Variants in UBE3A observed in about 807,000 individuals in gnomAD.
UBE3A encodes ubiquitin-protein ligase E3A.
UBE3A carries 6 observed loss-of-function variants against 83.4 expected under a neutral mutation model. That is an observed-to-expected ratio of 0.07 (90% CI 0.04 to 0.14). UBE3A has a LOEUF of 0.14. Ranked by LOEUF, UBE3A falls within the 10% of genes least tolerant of loss-of-function variation. The probability of loss-of-function intolerance (pLI) is 1.00; values close to 1 mark genes in which losing one functional copy is unlikely to be tolerated. For missense variants in UBE3A, 456 were observed against 1,036.1 expected, an observed-to-expected ratio of 0.44 and a Z score of 7.69; for synonymous variants, 337 against 355.4, an observed-to-expected ratio of 0.95 and a Z score of 0.58.
rs1422763225 is a variant in UBE3A, at chr15:25,337,995, TTTCA to T, written c.*1138_*1141del. 6.6e-6 allele frequency: 1 copy of T among 152,074 alleles called. No homozygotes were observed. Among genetic ancestry groups the T allele is most frequent in the Non-Finnish European group, 1.5e-5 (1 of 67,982 alleles). The allele number at this position is 152,074 out of a possible 1,614,324, so 9.4% of individuals were successfully genotyped here. The stretch of plus-strand genomic sequence containing the variant: ...ACAATGTAATTCTTAGGAGTAATAG[TTTCA>T]TTCATTTCCAGGTCAGCTTACTGTA... On this transcript the variant is annotated 3_prime_UTR_variant, in exon 13 of 13. Transcript: ENST00000648336.
Position 25,409,184 on chromosome 15 carries a change from G to T in UBE3A, c.-77C>A. 7.1e-7 allele frequency: 1 copy of T among 1,418,162 alleles called. No homozygotes were observed. Among genetic ancestry groups the T allele is most frequent in the South Asian group, 1.2e-5 (1 of 82,338 alleles). The allele number at this position is 1,418,162 out of a possible 1,614,324, so 87.8% of individuals were successfully genotyped here. ...GTCACACCAGTCTAGCTGCTACCTTGATCTGAGCGTAGGCTTAATAACTCT... is the reference window on the plus strand; with the variant it reads ...GTCACACCAGTCTAGCTGCTACCTTTATCTGAGCGTAGGCTTAATAACTCT... On this transcript the variant is annotated 5_prime_UTR_variant, in exon 3 of 13. Transcript: ENST00000648336.
chr15:25,350,947 T>C (rs1348292033), intron 11 of UBE3A, among the ~76,000 whole-genome samples: 3 of 152,236 alleles, frequency 2.0e-5, no homozygotes, highest in Admixed American at 1.3e-4. Flanking sequence ...ATGGGAACTC[T>C]GTGCTGATGG....
intron 1 of UBE3A, among the ~76,000 whole-genome samples, chr15:25,431,800 C>G (rs1280994666): frequency 6.6e-6 from 1 of 151,948 alleles, no homozygotes; most frequent in Non-Finnish European, 1.5e-5. Flanking sequence ...TTTTCAATTC[C>G]CAAAACAAAA....
At chr15:25,365,514 C>T (rs1315359689) in intron 6 of UBE3A, among the ~76,000 whole-genome samples, 2 of 151,764 alleles carry the variant, frequency 1.3e-5, no homozygotes, top group Non-Finnish European at 2.9e-5. Context: ...TCTGGGAGGC[C>T]GAGGCGGGCG....
At chr15:25,428,692 T>A (rs1181751697) in intron 1 of UBE3A, among the ~76,000 whole-genome samples, 1 of 152,172 alleles carries the variant, frequency 6.6e-6, no homozygotes, top group East Asian at 1.9e-4. Context: ...CAAGCAACTG[T>A]AAATTAAAAT....
At chr15:25,363,643 A>T (rs2078506826) in intron 6 of UBE3A, among the ~76,000 whole-genome samples, 1 of 152,000 alleles carries the variant, frequency 6.6e-6, no homozygotes, top group South Asian at 2.1e-4. Flanking sequence ...TGCTTTACTC[A>T]CTCTCTTCAA....
At chr15:25,343,589 A>G (rs1219463264) in intron 11 of UBE3A, among the ~76,000 whole-genome samples, 1 of 152,164 alleles carries the variant, frequency 6.6e-6, no homozygotes, top group East Asian at 1.9e-4. Flanking sequence ...TAAAATAAAC[A>G]TAACTAAAGA....
In UBE3A at chr15:25,371,238, C is replaced by T. The variant is rs867585000; in HGVS notation, c.936G>A (p.Lys312=). ...GTTTTCCTTGGGCTGCAAGGGGTAG[C>T]TTGCTCATCGCTTTGCAAAATAATG... ...ALPLFCKAMS[K]LPLAAQGKLI... The change falls in exon 6 of 13, where the codon AAG becomes AAA. Residue 312 remains lysine (K), a synonymous_variant. Transcript: ENST00000648336. The surrounding 1 kb of genome is among the most constrained non-coding windows in gnomAD (Gnocchi z 5.3). 3 of 1,614,152 alleles carry T rather than the reference C, an allele frequency of 1.9e-6. No homozygotes were observed. Among genetic ancestry groups the T allele is most frequent in the Middle Eastern group, 3.3e-4 (2 of 6,060 alleles).
At chr15:25,409,598 C>G (rs968313119) in intron 2 of UBE3A, among the ~76,000 whole-genome samples, 6 of 151,264 alleles carry the variant, frequency 4.0e-5, no homozygotes, top group African/African-American at 1.2e-4. Context: ...TGTTGAAGGA[C>G]TGACTAAAAC....
intron 3 of UBE3A, 76 bp downstream of exon 3, chr15:25,409,012 T>C (rs2089357814): frequency 6.9e-7 from 1 of 1,455,942 alleles, no homozygotes. Context: ...CAACTATACA[T>C]TGTCTTCATT....
chr15:25,370,506 T>A lies in UBE3A; in HGVS notation c.1608+60A>T, dbSNP rs1206606804. 1.7e-5 allele frequency: 27 copies of A among 1,593,838 alleles called. No homozygotes were observed. Among genetic ancestry groups the A allele is most frequent in the Non-Finnish European group, 2.3e-5 (27 of 1,161,778 alleles). ...TTTTTCAGTCACTTTTAAAATGAAT[T>A]CACTGAACTGTATCATGATATCCCC... On this transcript the variant is annotated intron_variant, in intron 6 of 12. Coordinates refer to ENST00000648336, the MANE Select transcript of UBE3A (RefSeq NM_130839.5). The surrounding 1 kb of genome is among the most constrained non-coding windows in gnomAD (Gnocchi z 4.2).
intron 11 of UBE3A, chr15:25,346,107 A>AATGTGGTCAGGAGCACTGCCAGGAACACC (rs2075647738): frequency 6.6e-6 from 1 of 152,266 alleles, no homozygotes; most frequent in African/African-American, 2.4e-5. Flanking sequence ...CCAGGGACAC[A>AATGTGGTCAGGAGCACTGCCAGGAACACC]ATGTGGTCAG....
At chr15:25,410,575 T>G (rs2089779306) in intron 2 of UBE3A, among the ~76,000 whole-genome samples, 1 of 152,172 alleles carries the variant, frequency 6.6e-6, no homozygotes, top group Non-Finnish European at 1.5e-5. Flanking sequence ...TGGTTACCAG[T>G]GTGGATTCAG....
chr15:25,406,314 T>C (rs1207431904), intron 3 of UBE3A, among the ~76,000 whole-genome samples: 1 of 152,202 alleles, frequency 6.6e-6, no homozygotes, highest in Non-Finnish European at 1.5e-5. Flanking sequence ...AGGTGAAGTT[T>C]TGCACTGGAT....
intron 11 of UBE3A, among the ~76,000 whole-genome samples, chr15:25,341,110 C>T (rs1161366897): frequency 6.6e-6 from 1 of 151,786 alleles, no homozygotes; most frequent in Non-Finnish European, 1.5e-5. Flanking sequence ...TGCTCTGTCG[C>T]TCAGGCTGGA....
At chr15:25,383,791 T>C (rs982576326) in intron 4 of UBE3A, among the ~76,000 whole-genome samples, 2 of 152,132 alleles carry the variant, frequency 1.3e-5, no homozygotes, top group African/African-American at 2.4e-5. Flanking sequence ...GGAACAAGAA[T>C]GCACACATTC....
At chr15:25,399,602 G>A (rs1022422022) in intron 4 of UBE3A, among the ~76,000 whole-genome samples, 5 of 151,852 alleles carry the variant, frequency 3.3e-5, no homozygotes, top group South Asian at 2.1e-4. Flanking sequence ...AGGGTCTCAC[G>A]CTGTCATCCA....
chr15:25,413,625 A>G (rs1471628868), intron 1 of UBE3A, among the ~76,000 whole-genome samples: 1 of 152,102 alleles, frequency 6.6e-6, no homozygotes, highest in Non-Finnish European at 1.5e-5. Context: ...CTTGCAACAT[A>G]ATTCCCTCAA....
chr15:25,421,319 G>A (rs553643561), intron 1 of UBE3A, among the ~76,000 whole-genome samples: 3 of 152,260 alleles, frequency 2.0e-5, no homozygotes, highest in South Asian at 2.1e-4. Flanking sequence ...AGATGGTGGC[G>A]CCATGCTTGT....
Sources: allele counts gnomAD v4.1 joint callset (sites outside exome capture counted in the v4.1 genomes callset), GRCh38; gene constraint gnomAD v4.1.1; non-coding constraint Gnocchi (gnomAD v3.1); transcripts MANE v1.5; gene names NCBI Gene and HGNC (gene_info 2026-07-23, HGNC 2026-07-21).